Variants in TCF4 observed in about 807,000 individuals in gnomAD.
TCF4 encodes transcription factor 4, also known as SL3-3 enhancer factor 2.
In TCF4, 3 loss-of-function variants were observed where a neutral mutation model predicts 82.1. That is an observed-to-expected ratio of 0.04 (90% CI 0.02 to 0.09). The LOEUF (loss-of-function observed/expected upper bound fraction) is 0.09, where lower values mean the gene tolerates loss of function less well. TCF4 is among the 10% of genes least tolerant of loss of function. The pLI, the probability that TCF4 is intolerant of heterozygous loss-of-function variation, is 1.00. For synonymous variants in TCF4, 276 were observed against 309.6 expected (o/e 0.89, Z 1.14); for missense variants, 518 against 852.7 (o/e 0.61, Z 4.89).
chr18:55,243,132 G>A (rs560443786), intron 15 of TCF4, among the ~76,000 whole-genome samples: 2 of 152,242 alleles, frequency 1.3e-5, no homozygotes, highest in African/African-American at 4.8e-5. Flanking sequence ...AAGAGCTGAC[G>A]CTTAACACAA....
chr18:55,340,034 T>C (rs2079507963), intron 8 of TCF4, among the ~76,000 whole-genome samples: 1 of 152,184 alleles, frequency 6.6e-6, no homozygotes, highest in African/African-American at 2.4e-5. Flanking sequence ...CAGGCAAAGC[T>C]AATATCTTAG....
intron 15 of TCF4, among the ~76,000 whole-genome samples, chr18:55,235,407 G>A (rs2049072809): frequency 6.6e-6 from 1 of 152,144 alleles, no homozygotes; most frequent in South Asian, 2.1e-4. Flanking sequence ...GCCATGCAAG[G>A]AAGGATGTTT....
chr18:55,437,195 T>C (rs951913635), intron 5 of TCF4, among the ~76,000 whole-genome samples: 11 of 152,352 alleles, frequency 7.2e-5, no homozygotes, highest in African/African-American at 2.6e-4. Context: ...TTGCCTTTTT[T>C]CTAAATTGGT....
intron 6 of TCF4, among the ~76,000 whole-genome samples, chr18:55,366,297 G>A (rs1447258217): frequency 1.3e-5 from 2 of 152,150 alleles, no homozygotes; most frequent in Admixed American, 1.3e-4. Context: ...GAACTAATGT[G>A]AGAATATCTA....
At chr18:55,442,081 GA>G (rs1485653886) in intron 5 of TCF4, among the ~76,000 whole-genome samples, 1 of 152,090 alleles carries the variant, frequency 6.6e-6, no homozygotes, top group East Asian at 1.9e-4. Context: ...ATAATAGCCT[GA>G]AAAGAATTAA....
intron 15 of TCF4, among the ~76,000 whole-genome samples, chr18:55,236,069 ATGTGTG>A (rs3040521): frequency 0.077 from 11,650 of 150,984 alleles, 1,490 homozygotes; most frequent in African/African-American, 0.27. Flanking sequence ...TCATGTGTGC[ATGTGTG>A]TGTGTGTGTG....
At chr18:55,244,810 C>G (rs2052529169) in intron 15 of TCF4, among the ~76,000 whole-genome samples, 1 of 152,206 alleles carries the variant, frequency 6.6e-6, no homozygotes. Flanking sequence ...CTACCATTCT[C>G]CAATAACTTT....
intron 3 of TCF4, among the ~76,000 whole-genome samples, chr18:55,521,768 C>T (rs571788915): frequency 5.3e-5 from 8 of 152,254 alleles, no homozygotes; most frequent in South Asian, 2.1e-4. Context: ...GCTTAAGACA[C>T]GAGTCCTCAG....
chr18:55,234,616 G>A lies in TCF4; in HGVS notation c.1418C>T (p.Pro473Leu), dbSNP rs1214980882. 6 of 1,613,998 alleles carry A rather than the reference G, an allele frequency of 3.7e-6. No homozygotes were observed. The highest frequency in any genetic ancestry group is 3.4e-6 in the Non-Finnish European group (4 of 1,180,016). ...AGACTGGACAGGAAGCTGTGGAACC[G>A]GAACCTGGTTTGGCAGAAGAGAATG... ...GSHSLLPNQV[P>L]VPQLPVQSAT... The change falls in exon 16 of 20, where the codon CCG (proline) becomes CTG (leucine). Residue 473 changes from proline (P) to leucine (L), a missense_variant. By Grantham distance (98) the Pro-to-Leu change is moderately conservative (BLOSUM62 -3). This residue lies in a region of TCF4 where 144 missense variants were observed against 190.2 expected (regional missense o/e 0.76). Coordinates refer to ENST00000354452, the MANE Select transcript of TCF4 (RefSeq NM_001083962.2).
intron 3 of TCF4, among the ~76,000 whole-genome samples, chr18:55,527,049 G>A (rs1293722494): frequency 6.6e-6 from 1 of 152,082 alleles, no homozygotes; most frequent in Non-Finnish European, 1.5e-5. Context: ...GCAAAATTGT[G>A]CACCACTTAG....
chr18:55,288,255 CAGAAA>C (rs1464306620), intron 8 of TCF4, among the ~76,000 whole-genome samples: 11 of 152,264 alleles, frequency 7.2e-5, no homozygotes, highest in African/African-American at 2.2e-4. Context: ...ACGAGAAAAA[CAGAAA>C]AGAAGTCATT....
At chr18:55,532,831 T>C (rs2097078904) in intron 3 of TCF4, among the ~76,000 whole-genome samples, 1 of 152,174 alleles carries the variant, frequency 6.6e-6, no homozygotes, top group Non-Finnish European at 1.5e-5. Context: ...TGAATTCTAA[T>C]TTAGGTTCCA....
At chr18:55,373,504 G>T (rs1446343344) in intron 6 of TCF4, among the ~76,000 whole-genome samples, 1 of 151,990 alleles carries the variant, frequency 6.6e-6, no homozygotes, top group Non-Finnish European at 1.5e-5. Flanking sequence ...GTAATAAAAG[G>T]TTTAATATAT....
intron 8 of TCF4, among the ~76,000 whole-genome samples, chr18:55,334,822 G>A (rs977083252): frequency 6.6e-5 from 10 of 152,144 alleles, no homozygotes; most frequent in African/African-American, 2.4e-4. Flanking sequence ...AAGAAGCTCA[G>A]AGGCACTCAA....
chr18:55,299,056 C>T (rs2067327587), intron 8 of TCF4, among the ~76,000 whole-genome samples: 1 of 152,122 alleles, frequency 6.6e-6, no homozygotes, highest in South Asian at 2.1e-4. Flanking sequence ...AGAAGTATGT[C>T]AAGCAGTGTG....
At chr18:55,334,997 T>C (rs2078337953) in intron 8 of TCF4, among the ~76,000 whole-genome samples, 1 of 152,220 alleles carries the variant, frequency 6.6e-6, no homozygotes, top group Non-Finnish European at 1.5e-5. Context: ...TTGCAAATAA[T>C]GTCTTAGAAG....
At chr18:55,482,138 T>C (rs560070907) in intron 3 of TCF4, 1 of 152,318 alleles carries the variant, frequency 6.6e-6, no homozygotes, top group Admixed American at 6.5e-5. Context: ...AATGGTTCTT[T>C]GTACCCCTCA....
chr18:55,408,080 C>T (rs2094181839), intron 5 of TCF4, among the ~76,000 whole-genome samples: 1 of 152,028 alleles, frequency 6.6e-6, no homozygotes, highest in Non-Finnish European at 1.5e-5. Flanking sequence ...CAGAGATGAT[C>T]CCTCTTGTGG....
chr18:55,462,026 T>C (rs903811184), intron 4 of TCF4, among the ~76,000 whole-genome samples: 3 of 152,176 alleles, frequency 2.0e-5, no homozygotes, highest in Non-Finnish European at 4.4e-5. Flanking sequence ...CATGAAAGTC[T>C]AAGTCAAATT....
Sources: gnomAD v4.1 joint callset for allele counts (sites outside exome capture counted in the v4.1 genomes callset) on GRCh38, gnomAD v4.1.1 for gene constraint, gnomAD v4.1.1 regional missense constraint, MANE v1.5 for transcripts, NCBI Gene and HGNC (gene_info 2026-07-23, HGNC 2026-07-21) for gene names.